The following RPTOR variants were observed in gnomAD, a reference collection of about 807,000 sequenced individuals.
RPTOR encodes the protein regulatory-associated protein of mTOR.
Under a neutral mutation model 169.9 loss-of-function variants are expected in RPTOR, and 21 were observed. The ratio of observed to expected loss-of-function variants is 0.12; its 90% CI spans 0.09 to 0.18. The LOEUF (loss-of-function observed/expected upper bound fraction) is 0.18, where lower values mean the gene tolerates loss of function less well. Ranked by LOEUF, RPTOR falls within the 10% of genes least tolerant of loss-of-function variation. The probability of loss-of-function intolerance (pLI) is 1.00; values close to 1 mark genes in which losing one functional copy is unlikely to be tolerated. For synonymous variants in RPTOR, 732 were observed against 753.2 expected (o/e 0.97, Z 0.46); for missense variants, 1,133 against 1,855.9 (o/e 0.61, Z 7.16).
chr17:80,865,099 A>G (rs999276210), intron 13 of RPTOR, among the ~76,000 whole-genome samples: 7 of 152,274 alleles, frequency 4.6e-5, no homozygotes, highest in African/African-American at 1.4e-4. Flanking sequence ...CTTTGTTTGA[A>G]GTGGTCTCAT....
chr17:80,640,325 A>G (rs1567834434), intron 2 of RPTOR, among the ~76,000 whole-genome samples: 5 of 152,234 alleles, frequency 3.3e-5, no homozygotes, highest in African/African-American at 9.6e-5. Flanking sequence ...ACTGTTGTCA[A>G]TAATATCTAT....
chr17:80,950,417 G>T (rs1280070641), intron 28 of RPTOR, among the ~76,000 whole-genome samples: 1 of 152,300 alleles, frequency 6.6e-6, no homozygotes, highest in East Asian at 1.9e-4. Context: ...TTCTGTCTGA[G>T]CACCTGTCCC....
intron 25 of RPTOR, chr17:80,941,792 G>A (rs117631786): frequency 0.027 from 4,159 of 152,424 alleles, 66 homozygotes; most frequent in South Asian, 0.059. Context: ...CAGCACAGGC[G>A]CCATGAGCGC....
intron 7 of RPTOR, among the ~76,000 whole-genome samples, chr17:80,809,480 C>T (rs1261650805): frequency 6.6e-6 from 1 of 152,220 alleles, no homozygotes; most frequent in African/African-American, 2.4e-5. Flanking sequence ...CGTGAGCTAC[C>T]GCGTCCGGCC....
chr17:80,771,798 G>A (rs953458781), intron 6 of RPTOR, among the ~76,000 whole-genome samples: 5 of 152,086 alleles, frequency 3.3e-5, no homozygotes, highest in Admixed American at 6.5e-5. Context: ...TCCAGGCCTC[G>A]CCCCCGATAT....
chr17:80,797,767 T>A (rs2067114864), intron 7 of RPTOR, among the ~76,000 whole-genome samples: 1 of 152,244 alleles, frequency 6.6e-6, no homozygotes, highest in South Asian at 2.1e-4. Context: ...TCTTGAAATA[T>A]GTTGATCTTG....
intron 13 of RPTOR, among the ~76,000 whole-genome samples, chr17:80,864,381 A>C (rs2014852): frequency 2.5e-4 from 31 of 123,632 alleles, no homozygotes; most frequent in Middle Eastern, 3.8e-3. Flanking sequence ...AATGATGGCA[A>C]GTTTCTTCTC....
chr17:80,693,223 A>G (rs1279068907), intron 3 of RPTOR, among the ~76,000 whole-genome samples: 4 of 152,176 alleles, frequency 2.6e-5, no homozygotes, highest in Non-Finnish European at 4.4e-5. Flanking sequence ...CAGTCACAGG[A>G]TGTGTAGCAG....
At chr17:80,942,398 C>T (rs889103172) in intron 25 of RPTOR, among the ~76,000 whole-genome samples, 2 of 149,508 alleles carry the variant, frequency 1.3e-5, no homozygotes, top group Non-Finnish European at 3.0e-5. Context: ...GACCCAAAAC[C>T]GAGATTTCTA....
intron 1 of RPTOR, among the ~76,000 whole-genome samples, chr17:80,594,800 A>G (rs1011461726): frequency 3.3e-5 from 5 of 152,206 alleles, no homozygotes; most frequent in Non-Finnish European, 7.3e-5. Flanking sequence ...CTGTGGCTCC[A>G]TGGTAAATTG....
rs896548242 is a variant in RPTOR, at chr17:80,721,343, G to A, written c.508-9217G>A. 7.9e-5 allele frequency among the ~76,000 whole-genome samples: 12 copies of A among 151,422 alleles called. No homozygotes were observed. Among genetic ancestry groups the A allele is most frequent in the Non-Finnish European group, 1.6e-4 (11 of 68,010 alleles). On this transcript the variant is annotated intron_variant, in intron 4 of 33. Transcript: ENST00000306801. This position sits in a 1 kb window ranked among gnomAD's most constrained non-coding sequence, Gnocchi z 4.7. ...TCCTGGACGCGGCGGAAGTGCAAGC[G>A]GGAAAAAGGATGGCAAGTTGAGTAA...
Position 80,730,751 on chromosome 17 carries a change from T to G in RPTOR, c.654+45T>G. 13 of 1,561,270 alleles carry G rather than the reference T, an allele frequency of 8.3e-6. No homozygotes were observed. Among genetic ancestry groups the G allele is most frequent in the East Asian group, 2.4e-5 (1 of 42,468 alleles). On this transcript the variant is annotated intron_variant, in intron 5 of 33. Coordinates refer to ENST00000306801, the MANE Select transcript of RPTOR (RefSeq NM_020761.3). This position sits in a 1 kb window ranked among gnomAD's most constrained non-coding sequence, Gnocchi z 4.2. Reference sequence around the variant, plus strand: ...GAGAGCGGTGCTGGGTTTGGTTTTGTTTTCCCTGGGGGTGGGGTTTGGGTG... The same window carrying G: ...GAGAGCGGTGCTGGGTTTGGTTTTGGTTTCCCTGGGGGTGGGGTTTGGGTG...
intron 1 of RPTOR, among the ~76,000 whole-genome samples, chr17:80,551,769 C>G (rs924439047): frequency 1.9e-4 from 29 of 152,246 alleles, no homozygotes; most frequent in African/African-American, 6.7e-4. Flanking sequence ...GGGTGTCGGG[C>G]TGGGGGACGG....
At chr17:80,701,259 G>T (rs7211095) in intron 3 of RPTOR, among the ~76,000 whole-genome samples, 62,157 of 152,060 alleles carry the variant, frequency 0.41, 13,278 homozygotes, top group East Asian at 0.57. Flanking sequence ...GTTGCACTAG[G>T]GTGGAATCAT....
At chr17:80,915,517 G>T (rs2068663089) in intron 21 of RPTOR, among the ~76,000 whole-genome samples, 1 of 131,562 alleles carries the variant, frequency 7.6e-6, no homozygotes, top group East Asian at 2.4e-4. Flanking sequence ...GCTGAGAGCT[G>T]AGCAGACGTC....
chr17:80,572,529 G>A (rs182218154), intron 1 of RPTOR, among the ~76,000 whole-genome samples: 1 of 151,866 alleles, frequency 6.6e-6, no homozygotes, highest in East Asian at 1.9e-4. Flanking sequence ...TCCCAGCCTG[G>A]GCAACATAGT....
chr17:80,942,698 C>T (rs1254643337), intron 25 of RPTOR, among the ~76,000 whole-genome samples: 2 of 152,172 alleles, frequency 1.3e-5, no homozygotes, highest in Non-Finnish European at 2.9e-5. Context: ...GGAATTGATG[C>T]CTGTAGATGG....
Position 80,966,360 on chromosome 17 carries a change from A to C in RPTOR, c.*2030A>C. ...CAGAGAGTGACCAACAGTAAACAACACGCGCAGACTCCGCGGCTGGCGGCT... is the reference window on the plus strand; with the variant it reads ...CAGAGAGTGACCAACAGTAAACAACCCGCGCAGACTCCGCGGCTGGCGGCT... On this transcript the variant is annotated 3_prime_UTR_variant, in exon 34 of 34. Transcript: ENST00000306801. The C allele has an allele frequency of 4.5e-6, 1 of 223,746 alleles. No homozygotes were observed. The highest frequency in any genetic ancestry group is 8.9e-6 in the Non-Finnish European group (1 of 112,054). 13.9% of individuals were successfully genotyped at this position (223,746 alleles called of 1,614,324 possible).
chr17:80,729,567 G>C (rs1404405148), intron 4 of RPTOR, among the ~76,000 whole-genome samples: 1 of 152,184 alleles, frequency 6.6e-6, no homozygotes, highest in Non-Finnish European at 1.5e-5. Flanking sequence ...GTGTTACTAG[G>C]TTATTGTTCT....
Sources: gnomAD v4.1 joint callset for allele counts (sites outside exome capture counted in the v4.1 genomes callset) on GRCh38, gnomAD v4.1.1 for gene constraint, Gnocchi (gnomAD v3.1) non-coding constraint, MANE v1.5 for transcripts, NCBI Gene and HGNC (gene_info 2026-07-23, HGNC 2026-07-21) for gene names.